Variants in SCN8A observed in about 807,000 individuals in gnomAD.
SCN8A encodes the protein sodium voltage-gated channel alpha subunit 8, also known as sodium channel protein type 8 subunit alpha.
In SCN8A, 30 loss-of-function variants were observed where a neutral mutation model predicts 184.1. The observed-to-expected ratio is 0.16, with a 90% confidence interval of 0.12 to 0.22. The LOEUF (loss-of-function observed/expected upper bound fraction) is 0.22. SCN8A is among the 10% of genes least tolerant of loss of function. The probability of loss-of-function intolerance (pLI) is 1.00; values close to 1 mark genes in which losing one functional copy is unlikely to be tolerated. For missense variants in SCN8A, 1,057 were observed against 2,498.9 expected, an observed-to-expected ratio of 0.42 and a Z score of 12.30; for synonymous variants, 852 against 907.0, an observed-to-expected ratio of 0.94 and a Z score of 1.09.
rs775442359 is a variant in SCN8A, at chr12:51,721,662, G to A, written c.1752G>A (p.Ala584=). 4.4e-6 allele frequency: 7 copies of A among 1,605,874 alleles called. No homozygotes were observed. Among genetic ancestry groups the A allele is most frequent in the East Asian group, 2.2e-5 (1 of 44,534 alleles). ...FRDPGSENEF[A]DDEHSTVEES... ...ACCCGGGCTCCGAGAATGAGTTCGCGGATGACGAGCACAGCACGGTGGAGG... is the reference window on the plus strand; with the variant it reads ...ACCCGGGCTCCGAGAATGAGTTCGCAGATGACGAGCACAGCACGGTGGAGG... Residue 584 remains alanine (A), a synonymous_variant, in exon 12 of 27, where the codon GCG becomes GCA. Transcript: ENST00000627620.
intron 14 of SCN8A, among the ~76,000 whole-genome samples, chr12:51,754,728 T>G (rs1191734856): frequency 6.6e-6 from 1 of 152,244 alleles, no homozygotes. Context: ...CTTGACATTT[T>G]GAAGACTACA....
intron 1 of SCN8A, among the ~76,000 whole-genome samples, chr12:51,623,542 C>G (rs1940009198): frequency 6.6e-6 from 1 of 152,156 alleles, no homozygotes. Flanking sequence ...TACGATTTAC[C>G]AATTAGAGTT....
Position 51,774,305 on chromosome 12 carries a change from T to C in SCN8A, c.3762T>C (p.Tyr1254=). The C allele has an allele frequency of 6.2e-7, 1 of 1,613,920 alleles. No individual in the cohort carries two copies. The highest frequency in any genetic ancestry group is 8.5e-7 in the Non-Finnish European group (1 of 1,179,872). ...AGATGTTGCTCAAGTGGACAGCCTA[T>C]GGCTTCGTCAAGTTCTTCACCAATG... is the stretch of plus-strand genomic sequence containing the variant. The part of the protein sequence containing the change: ...ILEMLLKWTA[Y]GFVKFFTNAW... The change falls in exon 20 of 27, where the codon TAT becomes TAC. Residue 1254 remains tyrosine, a synonymous_variant. Coordinates refer to ENST00000627620, the MANE Select transcript of SCN8A (RefSeq NM_001330260.2).
At chr12:51,648,714 T>C (rs1240339260) in intron 1 of SCN8A, among the ~76,000 whole-genome samples, 1 of 152,146 alleles carries the variant, frequency 6.6e-6, no homozygotes, top group Non-Finnish European at 1.5e-5. Context: ...TCAAATTATC[T>C]CCCACCAGGT....
At chr12:51,626,545 T>C (rs1162709805) in intron 1 of SCN8A, among the ~76,000 whole-genome samples, 2 of 152,186 alleles carry the variant, frequency 1.3e-5, no homozygotes, top group African/African-American at 4.8e-5. Context: ...TGAAAAACCA[T>C]TCATTCATTA....
At chr12:51,687,839 A>G (rs895539533) in intron 5 of SCN8A, among the ~76,000 whole-genome samples, 2 of 152,192 alleles carry the variant, frequency 1.3e-5, no homozygotes, top group African/African-American at 4.8e-5. Flanking sequence ...AACTTAGCTG[A>G]TGATAGAAGA....
chr12:51,681,084 G>A (rs1352607250), intron 2 of SCN8A, among the ~76,000 whole-genome samples: 1 of 152,152 alleles, frequency 6.6e-6, no homozygotes, highest in Non-Finnish European at 1.5e-5. Flanking sequence ...AGGTGATATT[G>A]TAAAGGCCTG....
At chr12:51,638,018 G>T (rs1940356827) in intron 1 of SCN8A, among the ~76,000 whole-genome samples, 1 of 151,946 alleles carries the variant, frequency 6.6e-6, no homozygotes. Flanking sequence ...GTAATTAATG[G>T]CCTCTTAAGA....
At position 51,723,613 on chromosome 12, in the gene SCN8A, C is replaced by A. The variant is rs144798348; in HGVS notation, c.1998+1705C>A. Among the ~76,000 whole-genome samples the A allele has an allele frequency of 4.5e-4, 68 of 152,274 alleles. No individual in the cohort carries two copies. The East Asian group carries it at 0.012, about 27-fold the overall frequency. On this transcript the variant is annotated intron_variant, in intron 12 of 26. Transcript: ENST00000627620. ...ATTCTGGGCTGGGAGTGGTGGCTCA[C>A]GCCTGTAATCCCAGCACCTTGGGAG...
chr12:51,764,530 G>A (rs1031429308), intron 15 of SCN8A, among the ~76,000 whole-genome samples: 1 of 152,110 alleles, frequency 6.6e-6, no homozygotes, highest in Non-Finnish European at 1.5e-5. Context: ...AGCTACCTGG[G>A]AGGCTGAGGC....
chr12:51,654,046 TTTG>T (rs913148777), intron 1 of SCN8A, among the ~76,000 whole-genome samples: 15 of 152,248 alleles, frequency 9.9e-5, no homozygotes, highest in Admixed American at 2.0e-4. Context: ...TTAACTGGGT[TTTG>T]TTGTTGTTGA....
chr12:51,702,823 A>G lies in SCN8A; in HGVS notation c.1043A>G (p.Tyr348Cys). The G allele has an allele frequency of 6.2e-7, 1 of 1,609,994 alleles. No individual in the cohort carries two copies. The highest frequency in any genetic ancestry group is 8.5e-7 in the Non-Finnish European group (1 of 1,177,956). The change falls in exon 9 of 27, where the codon TAT (tyrosine) becomes TGT (cysteine). Residue 348 changes from tyrosine (Y) to cysteine (C), a missense_variant. Around this residue, in one of 19 missense-constraint regions of SCN8A, gnomAD observed 27 missense variants for 150.1 expected, o/e 0.18. Coordinates refer to ENST00000627620, the MANE Select transcript of SCN8A (RefSeq NM_001330260.2). ...QCMKAGRNPN[Y>C]GYTSFDTFSW... is the part of the protein sequence containing the mutation. ...ATGAAAGCAGGAAGGAACCCCAACT[A>G]TGGTTACACAAGTTTTGACACTTTT...
intron 12 of SCN8A, among the ~76,000 whole-genome samples, chr12:51,740,820 T>G (rs1942410239): frequency 6.6e-6 from 1 of 152,218 alleles, no homozygotes. Flanking sequence ...GGTCTTGCTC[T>G]GTTATCCAGG....
chr12:51,775,880 CTTCTCTT>C (rs1255957721), intron 20 of SCN8A, among the ~76,000 whole-genome samples: 11 of 152,318 alleles, frequency 7.2e-5, no homozygotes, highest in African/African-American at 2.6e-4. Flanking sequence ...AGAACACGTT[CTTCTCTT>C]TTCCCTAGGG....
intron 6 of SCN8A, among the ~76,000 whole-genome samples, chr12:51,692,470 T>C (rs927623620): frequency 6.6e-6 from 1 of 152,184 alleles, no homozygotes; most frequent in South Asian, 2.1e-4. Context: ...CTGACCCTTT[T>C]TACTTTACTT....
At chr12:51,789,481 C>T (rs2138909922) in intron 24 of SCN8A, 63 bp downstream of exon 24, 1 of 1,520,390 alleles carries the variant, frequency 6.6e-7, no homozygotes, top group Non-Finnish European at 9.0e-7. Context: ...CACCTTTGTC[C>T]CTATCTCTAG....
At chr12:51,695,321 C>G (rs1048041436) in intron 6 of SCN8A, among the ~76,000 whole-genome samples, 2 of 152,226 alleles carry the variant, frequency 1.3e-5, no homozygotes, top group Admixed American at 1.3e-4. Flanking sequence ...GACTTCAAAG[C>G]TGAGGCTTGA....
intron 6 of SCN8A, among the ~76,000 whole-genome samples, chr12:51,699,033 C>G (rs184499706): frequency 2.0e-5 from 3 of 152,282 alleles, no homozygotes; most frequent in African/African-American, 7.2e-5. Context: ...TATAAAAAAT[C>G]AATTATAACC....
chr12:51,778,084 T>C (rs1330461843), intron 20 of SCN8A, among the ~76,000 whole-genome samples: 1 of 152,202 alleles, frequency 6.6e-6, no homozygotes, highest in Non-Finnish European at 1.5e-5. Flanking sequence ...ATGTTCTAGA[T>C]AGGGCTTTTG....
Sources: allele counts gnomAD v4.1 joint callset (sites outside exome capture counted in the v4.1 genomes callset), GRCh38; gene constraint gnomAD v4.1.1; regional missense constraint gnomAD v4.1.1; transcripts MANE v1.5; gene names NCBI Gene and HGNC (gene_info 2026-07-23, HGNC 2026-07-21).